The following ST6GAL2 variants were observed in gnomAD, a reference collection of about 807,000 sequenced individuals.
ST6GAL2 encodes beta-galactoside alpha-2,6-sialyltransferase 2.
A neutral mutation model predicts 37.5 loss-of-function variants in ST6GAL2; 24 were observed. The ratio of observed to expected loss-of-function variants is 0.64; its 90% CI spans 0.46 to 0.90. ST6GAL2 has a LOEUF of 0.90. Ranked by LOEUF, ST6GAL2 falls within the 40% of genes least tolerant of loss-of-function variation. ST6GAL2 has a pLI of 0.00. For synonymous variants in ST6GAL2, 306 were observed against 295.1 expected (o/e 1.04, Z -0.38); for missense variants, 715 against 712.7 (o/e 1.00, Z -0.04).
rs1407660383 is a variant in ST6GAL2 at position 106,843,810 on chromosome 2, C to A, written c.168G>T (p.Gly56=). 1 of 1,611,626 alleles carries A rather than the reference C, an allele frequency of 6.2e-7. No homozygotes were observed. The highest frequency in any genetic ancestry group is 2.2e-5 in the East Asian group (1 of 44,826). ...CGGCGCCCATGATGGCCCGCTGCTTCCCCTGCACCGGCAGGAGCCTCCTGG... is the reference window on the plus strand; with the variant it reads ...CGGCGCCCATGATGGCCCGCTGCTTACCCTGCACCGGCAGGAGCCTCCTGG... ...LETRRLLPVQ[G]KQRAIMGAAH... The change falls in exon 2 of 6, where the codon GGG becomes GGT. Residue 56 remains glycine (G), a synonymous_variant. Transcript: ENST00000409382.
Position 106,804,246 on chromosome 2 carries a change from T to C in ST6GAL2, c.*2432A>G, listed in dbSNP as rs1410922960. 7 of 152,110 alleles carry C rather than the reference T, an allele frequency of 4.6e-5. No homozygotes were observed. The highest frequency in any genetic ancestry group is 8.8e-5 in the Non-Finnish European group (6 of 68,022). The allele number at this position is 152,110 out of a possible 1,614,324, so 9.4% of individuals were successfully genotyped here. A position where few individuals can be genotyped will look rare whatever the true frequency, so the allele number is the denominator to read the frequency against. On this transcript the variant is annotated 3_prime_UTR_variant, in exon 6 of 6. Coordinates refer to ENST00000409382, the MANE Select transcript of ST6GAL2 (RefSeq NM_001142351.2). ...TTCCATTTAAAAATCTTTAAAGTGT[T>C]GGGTTCTGAGGCTTTTGAACTTGAA...
At chr2:106,846,926 G>A (rs1186934993) in intron 1 of ST6GAL2, among the ~76,000 whole-genome samples, 1 of 152,164 alleles carries the variant, frequency 6.6e-6, no homozygotes, top group Non-Finnish European at 1.5e-5. Context: ...AGGGAACTGA[G>A]TCCCAGAGCA....
At chr2:106,874,805 T>C (rs1317754918) in intron 1 of ST6GAL2, among the ~76,000 whole-genome samples, 1 of 152,202 alleles carries the variant, frequency 6.6e-6, no homozygotes, top group Non-Finnish European at 1.5e-5. Flanking sequence ...AACACATATT[T>C]TCAAGCCACT....
chr2:106,837,043 C>T (rs1676677369), intron 2 of ST6GAL2, among the ~76,000 whole-genome samples: 1 of 151,454 alleles, frequency 6.6e-6, no homozygotes, highest in African/African-American at 2.4e-5. Context: ...GTTCATGGTT[C>T]AAAGCTTGAA....
intron 2 of ST6GAL2, among the ~76,000 whole-genome samples, chr2:106,837,971 T>G (rs929423500): frequency 6.6e-6 from 1 of 152,070 alleles, no homozygotes; most frequent in African/African-American, 2.4e-5. Flanking sequence ...CTAGGCCCAG[T>G]GCAAGCCCTC....
intron 5 of ST6GAL2, among the ~76,000 whole-genome samples, chr2:106,819,216 G>A (rs944161697): frequency 2.6e-5 from 4 of 151,998 alleles, no homozygotes; most frequent in African/African-American, 9.7e-5. Flanking sequence ...CCAAAACCTA[G>A]AGAAATATAC....
At chr2:106,856,748 C>A (rs1026599717) in intron 1 of ST6GAL2, among the ~76,000 whole-genome samples, 5 of 152,108 alleles carry the variant, frequency 3.3e-5, no homozygotes, top group Non-Finnish European at 7.3e-5. Flanking sequence ...TGAAGGCAGT[C>A]AAAATAAGGA....
intron 1 of ST6GAL2, among the ~76,000 whole-genome samples, chr2:106,852,244 A>C (rs1340041128): frequency 6.6e-6 from 1 of 152,218 alleles, no homozygotes; most frequent in Non-Finnish European, 1.5e-5. Flanking sequence ...TAAGGAGTAC[A>C]GTCCTGCGGG....
chr2:106,842,448 G>A (rs1233347412), intron 2 of ST6GAL2, among the ~76,000 whole-genome samples: 2 of 152,208 alleles, frequency 1.3e-5, no homozygotes, highest in African/African-American at 2.4e-5. Flanking sequence ...TTGGGAGGCC[G>A]GAACTTATTC....
At chr2:106,832,496 G>T in intron 4 of ST6GAL2, 69 bp downstream of exon 4, 2 of 800,472 alleles carry the variant, frequency 2.5e-6, no homozygotes, top group Non-Finnish European at 4.1e-6. Flanking sequence ...TCCTTGCCTT[G>T]CTCTTATGAT....
At chr2:106,836,229 G>A (rs1232472564) in intron 2 of ST6GAL2, among the ~76,000 whole-genome samples, 1 of 152,070 alleles carries the variant, frequency 6.6e-6, no homozygotes, top group Non-Finnish European at 1.5e-5. Context: ...TTAGAAAGTT[G>A]GTTTCTCACA....
chr2:106,881,396 G>C (rs1484472426), intron 1 of ST6GAL2, among the ~76,000 whole-genome samples: 1 of 152,156 alleles, frequency 6.6e-6, no homozygotes, highest in Non-Finnish European at 1.5e-5. Flanking sequence ...TAAATGTACA[G>C]TTCCATTTTG....
In ST6GAL2 at chr2:106,829,985, T is replaced by C. The variant is rs1573231802; in HGVS notation, c.1318+81A>G. ...TCAGATAAGGTATTTTCAACCTGTA[T>C]AACACGACTGTATATTTGTTAAATA... On this transcript the variant is annotated intron_variant, in intron 5 of 5. Coordinates refer to ENST00000409382, the MANE Select transcript of ST6GAL2 (RefSeq NM_001142351.2). 16 of 1,343,500 alleles carry C rather than the reference T, an allele frequency of 1.2e-5. No individual in the cohort carries two copies. In the East Asian group the frequency reaches 3.5e-4, roughly 29 times the overall value. The allele number at this position is 1,343,500 out of a possible 1,614,324, so 83.2% of individuals were successfully genotyped here. A position where few individuals can be genotyped will look rare whatever the true frequency, so the allele number is the denominator to read the frequency against.
chr2:106,867,362 C>T (rs192577545), intron 1 of ST6GAL2, among the ~76,000 whole-genome samples: 20 of 152,294 alleles, frequency 1.3e-4, no homozygotes, highest in Admixed American at 1.2e-3. Flanking sequence ...GCAATCTGGA[C>T]ATGTGACAAT....
intron 1 of ST6GAL2, among the ~76,000 whole-genome samples, chr2:106,884,281 A>G (rs945288963): frequency 3.3e-5 from 5 of 152,210 alleles, no homozygotes; most frequent in Non-Finnish European, 7.3e-5. Flanking sequence ...AATTATCCTC[A>G]TCAGAAACTC....
At chr2:106,840,671 T>C (rs950741983) in intron 2 of ST6GAL2, among the ~76,000 whole-genome samples, 5 of 152,188 alleles carry the variant, frequency 3.3e-5, no homozygotes, top group Non-Finnish European at 7.3e-5. Context: ...AACAAAGATA[T>C]AACTGGCATT....
At chr2:106,836,810 G>A (rs2104491847) in intron 2 of ST6GAL2, among the ~76,000 whole-genome samples, 1 of 149,432 alleles carries the variant, frequency 6.7e-6, no homozygotes. Context: ...AGCTGGGCGT[G>A]GTGGTGCATG....
At chr2:106,855,661 TTATTA>T (rs1193385725) in intron 1 of ST6GAL2, among the ~76,000 whole-genome samples, 2 of 152,226 alleles carry the variant, frequency 1.3e-5, no homozygotes, top group African/African-American at 4.8e-5. Flanking sequence ...ACATAAACTC[TTATTA>T]TATTAGTTTT....
intron 1 of ST6GAL2, among the ~76,000 whole-genome samples, chr2:106,848,415 G>A (rs571646067): frequency 2.8e-4 from 42 of 152,314 alleles, no homozygotes; most frequent in Admixed American, 2.7e-3. Flanking sequence ...CAACAGCTCT[G>A]GTGGGCAACT....
Sources: gnomAD v4.1 joint callset for allele counts (sites outside exome capture counted in the v4.1 genomes callset) on GRCh38, gnomAD v4.1.1 for gene constraint, MANE v1.5 for transcripts, NCBI Gene and HGNC (gene_info 2026-07-23, HGNC 2026-07-21) for gene names.